The following NLRP7 variants were observed in gnomAD, a reference collection of about 807,000 sequenced individuals.
The protein encoded by NLRP7 is NLR family pyrin domain containing 7.
A neutral mutation model predicts 85.5 loss-of-function variants in NLRP7; 72 were observed. The observed-to-expected ratio is 0.84, with a 90% CI of 0.70 to 1.02. NLRP7 has a LOEUF of 1.02. Among genes scored for constraint, NLRP7 ranks in the 50% least tolerant of loss-of-function variants. NLRP7 has a pLI of 0.00. For missense variants in NLRP7, 1,243 were observed against 1,219.5 expected, an observed-to-expected ratio of 1.02 and a Z score of -0.29; for synonymous variants, 550 against 505.2, an observed-to-expected ratio of 1.09 and a Z score of -1.19.
At chr19:54,950,139 C>A (rs2069622872), upstream of NLRP7, among the ~76,000 whole-genome samples, 1 of 151,966 alleles carries the variant, frequency 6.6e-6, no homozygotes, top group African/African-American at 2.4e-5. Context: ...GAAGAGCTTC[C>A]TGGTTGGTGA....
At chr19:54,941,654 C>T (rs1240014954) in exon 2 of NLRP7, 1 of 1,613,902 alleles carries the variant, frequency 6.2e-7, no homozygotes, top group Admixed American at 1.7e-5. Context: ...TTTAATTCAT[C>T]CTCGTTCAGC....
chr19:54,924,467 A>T (rs1300459786), intron 9 of NLRP7, among the ~76,000 whole-genome samples: 1 of 152,086 alleles, frequency 6.6e-6, no homozygotes, highest in African/African-American at 2.4e-5. Context: ...TACCAAAAAT[A>T]GAAAAAGTTA....
Position 54,927,590 on chromosome 19 carries a change from A to C in NLRP7, c.2810+2909T>G. 1.2e-6 allele frequency: 2 copies of C among 1,613,286 alleles called. No homozygotes were observed. Among genetic ancestry groups the C allele is most frequent in the Non-Finnish European group, 1.7e-6 (2 of 1,179,532 alleles). ...AAAACAAAAAACAAAACAAAACAAA[A>C]CAAAAAACCCATACCTGAGTATCTT... On this transcript the variant is annotated intron_variant, in intron 9 of 9. Coordinates refer to ENST00000340844, the Ensembl canonical transcript of NLRP7.
intron 9 of NLRP7, among the ~76,000 whole-genome samples, chr19:54,928,707 A>C (rs1453340867): frequency 2.0e-5 from 3 of 152,148 alleles, no homozygotes; most frequent in Admixed American, 1.3e-4. Flanking sequence ...GAATCTTGTA[A>C]ATAAAATACT....
chr19:54,938,264 C>G, intron 4 of NLRP7, 23 bp from the exon 5 acceptor site: 1 of 1,600,182 alleles, frequency 6.2e-7, no homozygotes, highest in Non-Finnish European at 8.6e-7. Flanking sequence ...ACACGTTCAT[C>G]TCTTAGGACT....
chr19:54,925,791 G>A (rs1288281189), intron 9 of NLRP7, among the ~76,000 whole-genome samples: 1 of 152,122 alleles, frequency 6.6e-6, no homozygotes, highest in Non-Finnish European at 1.5e-5. Context: ...CTGAGGTCAG[G>A]AATTCGAGAC....
chr19:54,934,639 G>A lies in NLRP7; in HGVS notation c.2321C>T (p.Thr774Ile). Residue 774 changes from threonine to isoleucine, a missense_variant, in exon 7 of 10, where the codon ACC becomes ATC. By Grantham distance (89) the Thr-to-Ile change is moderately conservative (BLOSUM62 -1). Coordinates refer to ENST00000340844, the Ensembl canonical transcript of NLRP7. The surrounding 1 kb of genome is among the most constrained non-coding windows in gnomAD (Gnocchi z 6.7). ...GAAGAATTCAGCCCACTGCTCCGGG[G>A]TGGCACAGTGACCTCCCAACCTGTG... is the stretch of plus-strand genomic sequence containing the variant. 6.2e-7 allele frequency: 1 copy of A among 1,613,702 alleles called. No homozygotes were observed. The highest frequency in any genetic ancestry group is 1.7e-5 in the Admixed American group (1 of 59,986).
At chr19:54,936,760 C>G (rs1338688874) in intron 5 of NLRP7, among the ~76,000 whole-genome samples, 1 of 151,982 alleles carries the variant, frequency 6.6e-6, no homozygotes, top group Non-Finnish European at 1.5e-5. Context: ...ACTAAAAATA[C>G]AAAAATTAGC....
In NLRP7 at chr19:54,934,107, A is replaced by AT. The variant is rs978719660; in HGVS notation, c.2472-369dup. On this transcript the variant is annotated intron_variant, in intron 7 of 9. Coordinates refer to ENST00000340844, the Ensembl canonical transcript of NLRP7. The surrounding 1 kb of genome is among the most constrained non-coding windows in gnomAD (Gnocchi z 6.7). ...TACAGGCGCCCACCACACCTGGATA[A>AT]TTTTTTGTATTTTTTAGTAGAGACG... Among the ~76,000 whole-genome samples, 29 of 152,178 alleles carry AT rather than the reference A, an allele frequency of 1.9e-4. No homozygotes were observed. Among genetic ancestry groups the AT allele is most frequent in the Admixed American group, 7.2e-4 (11 of 15,276 alleles).
chr19:54,930,475 A>G (rs370766115), intron 9 of NLRP7, 24 bp downstream of exon 9: 1 of 1,548,790 alleles, frequency 6.5e-7, no homozygotes, highest in Middle Eastern at 1.7e-4. Flanking sequence ...AAAAGAAAGA[A>G]AGAAGAAAAA....
chr19:54,939,076 C>T (rs574417563), exon 4 of NLRP7: 9 of 1,614,118 alleles, frequency 5.6e-6, no homozygotes, highest in Non-Finnish European at 7.6e-6. Flanking sequence ...TCGCCAGCTC[C>T]TCCTCCTGAG....
chr19:54,931,281 G>A (rs8102248), intron 8 of NLRP7, among the ~76,000 whole-genome samples: 45,628 of 151,668 alleles, frequency 0.3, 7,178 homozygotes, highest in East Asian at 0.41. Flanking sequence ...AAATCGGGCC[G>A]GGCGCGGTGG....
At chr19:54,940,992 C>T in exon 3 of NLRP7, 2 of 1,610,782 alleles carry the variant, frequency 1.2e-6, no homozygotes, top group East Asian at 2.2e-5. Context: ...CTATTTCTTG[C>T]ACCTGTCCGT....
chr19:54,964,609 G>C (rs1259508767), intron 1 of NLRP7, among the ~76,000 whole-genome samples: 2 of 151,778 alleles, frequency 1.3e-5, no homozygotes, highest in Admixed American at 6.5e-5. Flanking sequence ...GATCACCTGA[G>C]GTCAGGAGTT....
intron 9 of NLRP7, among the ~76,000 whole-genome samples, chr19:54,926,789 G>A (rs181887720): frequency 3.3e-5 from 5 of 151,764 alleles, no homozygotes; most frequent in Admixed American, 1.3e-4. Context: ...GGTGGCGAGC[G>A]ACTGTAATCC....
chr19:54,936,168 G>T, intron 6 of NLRP7, 93 bp downstream of exon 6: 2 of 1,093,626 alleles, frequency 1.8e-6, no homozygotes, highest in Non-Finnish European at 1.4e-6. Flanking sequence ...GTCTGGGACG[G>T]CATCTGGAGT....
chr19:54,944,151 G>A (rs934937797), intron 1 of NLRP7, among the ~76,000 whole-genome samples: 1 of 151,936 alleles, frequency 6.6e-6, no homozygotes, highest in Non-Finnish European at 1.5e-5. Flanking sequence ...ACCCGTAAAG[G>A]GTCTGTGCTG....
intron 1 of NLRP7, among the ~76,000 whole-genome samples, chr19:54,960,470 A>G (rs886579883): frequency 6.6e-6 from 1 of 151,500 alleles, no homozygotes. Flanking sequence ...GTCTGTTTAA[A>G]TCCATCCTTC....
intron 9 of NLRP7, among the ~76,000 whole-genome samples, chr19:54,926,798 C>G (rs555440540): frequency 6.6e-6 from 1 of 151,688 alleles, no homozygotes; most frequent in Non-Finnish European, 1.5e-5. Context: ...CGACTGTAAT[C>G]CTAGCTACTC....
Sources: allele counts gnomAD v4.1 joint callset (sites outside exome capture counted in the v4.1 genomes callset), GRCh38; gene constraint gnomAD v4.1.1; non-coding constraint Gnocchi (gnomAD v3.1); transcripts MANE v1.5; gene names NCBI Gene and HGNC (gene_info 2026-07-23, HGNC 2026-07-21).